INPP4B: variants seen among roughly 807,000 people sequenced by gnomAD.
The protein encoded by INPP4B is inositol polyphosphate 4-phosphatase type II.
A neutral mutation model predicts 122.5 loss-of-function variants in INPP4B; 55 were observed. That is an observed-to-expected ratio of 0.45 (90% CI 0.36 to 0.56). The LOEUF (loss-of-function observed/expected upper bound fraction) is 0.56, where lower values mean the gene tolerates loss of function less well. Among genes scored for constraint, INPP4B ranks in the 20% least tolerant of loss-of-function variants. INPP4B has a pLI of 0.00. For missense variants in INPP4B, 1,000 were observed against 1,097.7 expected (o/e 0.91, Z 1.26); for synonymous variants, 403 against 388.7 (o/e 1.04, Z -0.43).
intron 1 of INPP4B, among the ~76,000 whole-genome samples, chr4:142,737,188 A>G (rs575386893): frequency 1.1e-3 from 161 of 152,344 alleles, no homozygotes; most frequent in African/African-American, 3.6e-3. Context: ...AGCTGGAGGC[A>G]TCAGGCTACC....
intron 18 of INPP4B, among the ~76,000 whole-genome samples, chr4:142,134,193 C>A (rs537565177): frequency 2.4e-4 from 36 of 152,202 alleles, no homozygotes; most frequent in African/African-American, 8.2e-4. Flanking sequence ...ACGTGGCATC[C>A]TTTTTATTAC....
At chr4:142,327,433 T>C (rs879561771) in intron 7 of INPP4B, among the ~76,000 whole-genome samples, 8 of 151,854 alleles carry the variant, frequency 5.3e-5, no homozygotes, top group Non-Finnish European at 1.0e-4. Context: ...AGTATGTATT[T>C]ACATGAATCG....
At position 142,825,751 on chromosome 4, in the gene INPP4B, A is replaced by T. The variant is rs537283857; in HGVS notation, c.-254+20458T>A. On this transcript the variant is annotated intron_variant, in intron 1 of 25. Coordinates refer to ENST00000262992, the MANE Select transcript of INPP4B (RefSeq NM_001101669.3). ...TATGGGTAGAATTTTGAGAGGCAGA[A>T]TTGGAATAGAAGAGTGCTCTGAAAG... 1.3e-4 allele frequency among the ~76,000 whole-genome samples: 20 copies of T among 152,226 alleles called. No individual in the cohort carries two copies. In the East Asian group the frequency reaches 2.5e-3, roughly 19 times the overall value.
At chr4:142,699,388 C>A (rs748938607) in intron 2 of INPP4B, among the ~76,000 whole-genome samples, 1 of 152,032 alleles carries the variant, frequency 6.6e-6, no homozygotes, top group African/African-American at 2.4e-5. Context: ...ATCTTTATAC[C>A]TCAAACTACC....
chr4:142,697,936 G>A (rs1761236010), intron 2 of INPP4B, among the ~76,000 whole-genome samples: 1 of 152,054 alleles, frequency 6.6e-6, no homozygotes, highest in African/African-American at 2.4e-5. Context: ...GACTACATTT[G>A]AGAATTTCAA....
intron 2 of INPP4B, among the ~76,000 whole-genome samples, chr4:142,549,850 C>A (rs1237243607): frequency 6.6e-6 from 1 of 152,066 alleles, no homozygotes; most frequent in African/African-American, 2.4e-5. Flanking sequence ...TGGCTTTGTT[C>A]CAGAGCTCTC....
chr4:142,040,223 G>A (rs1361042395), intron 25 of INPP4B, among the ~76,000 whole-genome samples: 3 of 152,150 alleles, frequency 2.0e-5, no homozygotes, highest in Admixed American at 6.6e-5. Flanking sequence ...AGCCTTGTTC[G>A]TTGTTCACTT....
rs373492298 is a variant in INPP4B at position 142,228,272 on chromosome 4, A to C, written c.836+9592T>G. Among the ~76,000 whole-genome samples the C allele has an allele frequency of 4.9e-4, 74 of 152,244 alleles. 1 individual carries two copies. Among genetic ancestry groups the C allele is most frequent in the Middle Eastern group, 6.8e-3 (2 of 294 alleles). Reference sequence around the variant, plus strand: ...AAATTAAGACAACAGGAAATGTGGAATTGATAAATCCATAAGAATTTTTTT... The same window carrying C: ...AAATTAAGACAACAGGAAATGTGGACTTGATAAATCCATAAGAATTTTTTT... On this transcript the variant is annotated intron_variant, in intron 12 of 25. Transcript: ENST00000262992.
At chr4:142,414,524 C>G (rs752917524) in intron 5 of INPP4B, among the ~76,000 whole-genome samples, 7 of 152,150 alleles carry the variant, frequency 4.6e-5, no homozygotes, top group Non-Finnish European at 8.8e-5. Flanking sequence ...GTACAGCAGA[C>G]AGCTTATTTG....
intron 15 of INPP4B, among the ~76,000 whole-genome samples, chr4:142,178,710 G>A (rs1368293230): frequency 2.0e-5 from 3 of 152,052 alleles, no homozygotes; most frequent in African/African-American, 7.2e-5. Flanking sequence ...ATTAGGATTG[G>A]TGAGTTTAGG....
intron 7 of INPP4B, among the ~76,000 whole-genome samples, chr4:142,394,380 C>T (rs1338323767): frequency 6.6e-6 from 1 of 152,108 alleles, no homozygotes; most frequent in East Asian, 1.9e-4. Context: ...CTCCTGACCT[C>T]GTGATCTGCC....
chr4:142,202,761 A>C, intron 14 of INPP4B: 1 of 985,010 alleles, frequency 1.0e-6, no homozygotes, highest in Non-Finnish European at 1.2e-6. Flanking sequence ...ATCCCACTTG[A>C]GATATCTGAA....
chr4:142,169,214 T>C (rs1824335253), intron 16 of INPP4B, among the ~76,000 whole-genome samples: 1 of 151,718 alleles, frequency 6.6e-6, no homozygotes, highest in Non-Finnish European at 1.5e-5. Context: ...ATTAAATAAT[T>C]ACCATTTAAA....
At chr4:142,676,153 C>T (rs1317331191) in intron 2 of INPP4B, among the ~76,000 whole-genome samples, 7 of 152,166 alleles carry the variant, frequency 4.6e-5, no homozygotes, top group Non-Finnish European at 8.8e-5. Context: ...GCAAAAGTCT[C>T]AGGATACAAA....
chr4:142,365,973 T>C (rs940753696), intron 7 of INPP4B, among the ~76,000 whole-genome samples: 2 of 152,044 alleles, frequency 1.3e-5, no homozygotes, highest in Non-Finnish European at 2.9e-5. Flanking sequence ...TTGGGGGTGG[T>C]ATCATATCTC....
intron 8 of INPP4B, among the ~76,000 whole-genome samples, chr4:142,314,386 G>A (rs890069863): frequency 6.6e-6 from 1 of 152,108 alleles, no homozygotes; most frequent in Non-Finnish European, 1.5e-5. Flanking sequence ...AAGCGGTAGA[G>A]ATCACATCTG....
At chr4:142,419,893 ACAG>A (rs1806508988) in intron 5 of INPP4B, among the ~76,000 whole-genome samples, 2 of 152,054 alleles carry the variant, frequency 1.3e-5, no homozygotes, top group African/African-American at 4.8e-5. Context: ...TTTTGATTTT[ACAG>A]AAAGCAAAAG....
chr4:142,525,045 G>A (rs1357428133), intron 2 of INPP4B, among the ~76,000 whole-genome samples: 2 of 151,148 alleles, frequency 1.3e-5, no homozygotes, highest in Non-Finnish European at 3.0e-5. Context: ...CAAAGTCTCA[G>A]GATACAAAAT....
At chr4:142,575,307 A>T (rs1733619133) in intron 2 of INPP4B, among the ~76,000 whole-genome samples, 1 of 152,092 alleles carries the variant, frequency 6.6e-6, no homozygotes, top group South Asian at 2.1e-4. Context: ...CAAGAAAAAA[A>T]TCAAAACAAG....
Sources: gnomAD v4.1 joint callset for allele counts (sites outside exome capture counted in the v4.1 genomes callset) on GRCh38, gnomAD v4.1.1 for gene constraint, MANE v1.5 for transcripts, NCBI Gene and HGNC (gene_info 2026-07-23, HGNC 2026-07-21) for gene names.